Variants in TMEM132D observed in about 807,000 individuals in gnomAD.
TMEM132D encodes the protein transmembrane protein 132D.
Under a neutral mutation model 62.3 loss-of-function variants are expected in TMEM132D, and 21 were observed. That is an observed-to-expected ratio of 0.34 (90% CI 0.24 to 0.49). TMEM132D has a LOEUF of 0.49. Ranked by LOEUF, TMEM132D falls within the 20% of genes least tolerant of loss-of-function variation. The pLI, the probability that TMEM132D is intolerant of heterozygous loss-of-function variation, is 0.99. For missense variants in TMEM132D, 1,346 were observed against 1,402.8 expected, an observed-to-expected ratio of 0.96 and a Z score of 0.65; for synonymous variants, 621 against 575.6, an observed-to-expected ratio of 1.08 and a Z score of -1.13.
At chr12:129,193,108 A>C (rs2135557334) in intron 5 of TMEM132D, among the ~76,000 whole-genome samples, 1 of 149,106 alleles carries the variant, frequency 6.7e-6, no homozygotes, top group East Asian at 2.0e-4. Flanking sequence ...CAGTGAGCCG[A>C]GATCGTGCCA....
At chr12:129,817,592 GGTGT>G (rs112314739) in intron 1 of TMEM132D, among the ~76,000 whole-genome samples, 40,586 of 146,218 alleles carry the variant, frequency 0.28, 5,848 homozygotes, top group South Asian at 0.35. Flanking sequence ...AAGATAAGAT[GGTGT>G]GTGTGTGTGT....
At chr12:129,621,240 G>A (rs562746443) in intron 2 of TMEM132D, among the ~76,000 whole-genome samples, 2 of 152,200 alleles carry the variant, frequency 1.3e-5, no homozygotes. Flanking sequence ...TGCATAGTGT[G>A]CCCTTCCTGA....
intron 1 of TMEM132D, among the ~76,000 whole-genome samples, chr12:129,821,510 T>C (rs1593175288): frequency 6.6e-6 from 1 of 152,260 alleles, no homozygotes; most frequent in Non-Finnish European, 1.5e-5. Context: ...GGTCTGCACA[T>C]CGGTTGCCTG....
At chr12:129,543,910 G>A (rs1242355393) in intron 2 of TMEM132D, among the ~76,000 whole-genome samples, 2 of 152,152 alleles carry the variant, frequency 1.3e-5, no homozygotes, top group Non-Finnish European at 2.9e-5. Context: ...CACAGAGGTG[G>A]TTCCTAATCT....
chr12:129,483,025 A>G (rs1195173485), intron 3 of TMEM132D, among the ~76,000 whole-genome samples: 1 of 151,862 alleles, frequency 6.6e-6, no homozygotes, highest in Non-Finnish European at 1.5e-5. Context: ...AAATAATCAA[A>G]TCTTCAAAAA....
At chr12:129,270,982 T>A (rs1449021019) in intron 4 of TMEM132D, among the ~76,000 whole-genome samples, 1 of 152,270 alleles carries the variant, frequency 6.6e-6, no homozygotes, top group Admixed American at 6.5e-5. Flanking sequence ...CCACCTGTGG[T>A]TGCACCCTGT....
chr12:129,700,158 G>A lies in TMEM132D; in HGVS notation c.620C>T (p.Thr207Met), dbSNP rs750957356. 65 of 1,613,074 alleles carry A rather than the reference G, an allele frequency of 4.0e-5. 3 individuals carry two copies. In the South Asian group the frequency reaches 6.3e-4, roughly 16 times the overall value. ...GGACTTCCTCCTCCCGGCAACCACCGTGGGGGGGCTGAACCAGCTGGACAG... is the reference window on the plus strand; with the variant it reads ...GGACTTCCTCCTCCCGGCAACCACCATGGGGGGGCTGAACCAGCTGGACAG... ...ELLSSWFSPP[T>M]VVAGRRKSVD... The change falls in exon 2 of 9, where the codon ACG (threonine) becomes ATG (methionine). Residue 207 changes from threonine (T) to methionine (M), a missense_variant. Transcript: ENST00000422113.
chr12:129,383,728 C>G lies in TMEM132D; in HGVS notation c.1116-45911G>C, dbSNP rs193188366. Reference sequence around the variant, plus strand: ...TGCTGGGATTATAGGTGTGAGCCACCATGCCTGGCCTCTAGGTAACCTTTT... The same window carrying G: ...TGCTGGGATTATAGGTGTGAGCCACGATGCCTGGCCTCTAGGTAACCTTTT... On this transcript the variant is annotated intron_variant, in intron 3 of 8. Transcript: ENST00000422113. 2.6e-3 allele frequency among the ~76,000 whole-genome samples: 397 copies of G among 152,322 alleles called. 3 individuals carry two copies. Among genetic ancestry groups the G allele is most frequent in the African/African-American group, 9.0e-3 (375 of 41,574 alleles).
At chr12:129,358,842 G>C (rs970758289) in intron 3 of TMEM132D, among the ~76,000 whole-genome samples, 1 of 152,086 alleles carries the variant, frequency 6.6e-6, no homozygotes, top group African/African-American at 2.4e-5. Context: ...CTGCTGGAGA[G>C]AGGAAAATGG....
At chr12:129,833,584 C>T (rs1872911405) in intron 1 of TMEM132D, among the ~76,000 whole-genome samples, 1 of 152,114 alleles carries the variant, frequency 6.6e-6, no homozygotes, top group Non-Finnish European at 1.5e-5. Context: ...GTGATCACGC[C>T]ACTGTTCTCC....
chr12:129,228,989 TCTC>T (rs1879559086), intron 4 of TMEM132D, among the ~76,000 whole-genome samples: 1 of 152,212 alleles, frequency 6.6e-6, no homozygotes. Flanking sequence ...TTGTGGCCTC[TCTC>T]CTCTTCTCCA....
chr12:129,503,691 C>G (rs1011674588), intron 3 of TMEM132D, among the ~76,000 whole-genome samples: 1 of 152,072 alleles, frequency 6.6e-6, no homozygotes, highest in African/African-American at 2.4e-5. Context: ...ACCTACTTTA[C>G]TAATTTATTA....
intron 1 of TMEM132D, among the ~76,000 whole-genome samples, chr12:129,899,534 A>G (rs1057107729): frequency 2.0e-5 from 3 of 152,140 alleles, no homozygotes; most frequent in Non-Finnish European, 4.4e-5. Flanking sequence ...GGATGGGTGG[A>G]TGGGATGATG....
intron 2 of TMEM132D, among the ~76,000 whole-genome samples, chr12:129,605,723 T>C (rs1878608776): frequency 6.6e-6 from 1 of 151,616 alleles, no homozygotes; most frequent in Non-Finnish European, 1.5e-5. Context: ...TGTGGAAACC[T>C]TGACAGTCAT....
At chr12:129,732,689 T>A (rs956606495) in intron 1 of TMEM132D, among the ~76,000 whole-genome samples, 4 of 152,204 alleles carry the variant, frequency 2.6e-5, no homozygotes, top group African/African-American at 9.6e-5. Flanking sequence ...CTGTACAGCC[T>A]GCAGAACCAT....
At chr12:129,780,669 G>A (rs1229350249) in intron 1 of TMEM132D, among the ~76,000 whole-genome samples, 1 of 152,130 alleles carries the variant, frequency 6.6e-6, no homozygotes, top group Admixed American at 6.5e-5. Flanking sequence ...TATGCTACAG[G>A]AAATGTCCGT....
intron 2 of TMEM132D, among the ~76,000 whole-genome samples, chr12:129,665,944 C>T (rs999710904): frequency 1.3e-5 from 2 of 152,004 alleles, no homozygotes; most frequent in African/African-American, 4.8e-5. Flanking sequence ...CCTGAGGGAC[C>T]TTTAATATTT....
rs1013908751 is a variant in TMEM132D, at chr12:129,701,067, A to G, written c.80-369T>C. ...TTAGCAAGTGTTAGAAAGCTGTCAC[A>G]GACAAGCTACCATCGACAGAGAGGC... On this transcript the variant is annotated intron_variant, in intron 1 of 8. Transcript: ENST00000422113. 5.9e-5 allele frequency among the ~76,000 whole-genome samples: 9 copies of G among 152,236 alleles called. No individual in the cohort carries two copies. The South Asian group carries it at 8.3e-4, about 14-fold the overall frequency.
At chr12:129,669,829 A>G (rs891909781) in intron 2 of TMEM132D, among the ~76,000 whole-genome samples, 10 of 152,204 alleles carry the variant, frequency 6.6e-5, no homozygotes, top group African/African-American at 2.4e-4. Flanking sequence ...ATTATTTACA[A>G]CCGTGGTCAC....
Sources: allele counts gnomAD v4.1 joint callset (sites outside exome capture counted in the v4.1 genomes callset), GRCh38; gene constraint gnomAD v4.1.1; transcripts MANE v1.5; gene names NCBI Gene and HGNC (gene_info 2026-07-23, HGNC 2026-07-21).